Variants in RAB3GAP2 observed in about 807,000 individuals in gnomAD.
RAB3GAP2 encodes the protein rab3 GTPase-activating protein non-catalytic subunit.
RAB3GAP2 carries 87 observed loss-of-function variants against 185.3 expected under a neutral mutation model. That is an observed-to-expected ratio of 0.47 (90% CI 0.39 to 0.56). RAB3GAP2 has a LOEUF of 0.56. RAB3GAP2 is among the 20% of genes least tolerant of loss of function. The probability of loss-of-function intolerance (pLI) is 0.00; values close to 1 mark genes in which losing one functional copy is unlikely to be tolerated. For synonymous variants in RAB3GAP2, 554 were observed against 576.1 expected (o/e 0.96, Z 0.55); for missense variants, 1,492 against 1,638.2 (o/e 0.91, Z 1.54).
At chr1:220,180,911 G>A (rs1375410010) in intron 21 of RAB3GAP2, among the ~76,000 whole-genome samples, 9 of 152,014 alleles carry the variant, frequency 5.9e-5, no homozygotes, top group Admixed American at 5.2e-4. Flanking sequence ...CACATCTGTG[G>A]ATTTAATCAA....
chr1:220,217,200 T>C (rs1171187273), intron 2 of RAB3GAP2, among the ~76,000 whole-genome samples: 1 of 152,168 alleles, frequency 6.6e-6, no homozygotes, highest in Non-Finnish European at 1.5e-5. Flanking sequence ...GTAGCTGTAC[T>C]AGCTCTTTGG....
chr1:220,175,700 C>T (rs551554439), intron 21 of RAB3GAP2, among the ~76,000 whole-genome samples: 1 of 152,292 alleles, frequency 6.6e-6, no homozygotes, highest in South Asian at 2.1e-4. Flanking sequence ...ATGAATTCCA[C>T]TTTTCTCTCC....
chr1:220,194,962 TG>T, intron 12 of RAB3GAP2, 115 bp downstream of exon 12: 1 of 1,028,476 alleles, frequency 9.7e-7, no homozygotes, highest in Non-Finnish European at 1.5e-6. Flanking sequence ...TCCACTGTAA[TG>T]GCTTTCAGAA....
rs530414063 is a variant in RAB3GAP2 at position 220,191,344 on chromosome 1, G to T, written c.1271-60C>A. 283 of 514,320 alleles carry T rather than the reference G, an allele frequency of 5.5e-4. 1 individual carries two copies. In the African/African-American group the frequency reaches 6.6e-3, roughly 12 times the overall value. 31.9% of individuals were successfully genotyped at this position (514,320 alleles called of 1,614,324 possible). On this transcript the variant is annotated intron_variant, in intron 13 of 34. Coordinates refer to ENST00000358951, the MANE Select transcript of RAB3GAP2 (RefSeq NM_012414.4). ...AATCTAGGTTCCATAGTAGCCTCCT[G>T]AAGTACTCTGGAATAGTGGGGGTGG...
chr1:220,208,623 C>T (rs1424306332), intron 7 of RAB3GAP2, among the ~76,000 whole-genome samples: 1 of 152,192 alleles, frequency 6.6e-6, no homozygotes, highest in African/African-American at 2.4e-5. Context: ...AATGGCATTC[C>T]TCAGGATAAG....
chr1:220,189,626 A>T, intron 17 of RAB3GAP2, 77 bp downstream of exon 17: 1 of 1,383,892 alleles, frequency 7.2e-7, no homozygotes, highest in Non-Finnish European at 9.7e-7. Context: ...TTTGGGGGAA[A>T]TAGGAAAATA....
At chr1:220,224,931 A>T (rs1338930144) in intron 2 of RAB3GAP2, among the ~76,000 whole-genome samples, 1 of 152,124 alleles carries the variant, frequency 6.6e-6, no homozygotes, top group Non-Finnish European at 1.5e-5. Context: ...CTTGGTTGCA[A>T]GTGTGTTTAA....
At chr1:220,181,937 G>C (rs1203585931) in intron 21 of RAB3GAP2, among the ~76,000 whole-genome samples, 4 of 151,974 alleles carry the variant, frequency 2.6e-5, no homozygotes, top group Non-Finnish European at 5.9e-5. Flanking sequence ...AGGAGGCTGA[G>C]ATGGGAGGAT....
At chr1:220,268,636 C>T (rs1347820319) in intron 1 of RAB3GAP2, among the ~76,000 whole-genome samples, 3 of 152,176 alleles carry the variant, frequency 2.0e-5, no homozygotes, top group Non-Finnish European at 2.9e-5. Context: ...CAAAGGGGCT[C>T]ACTGGTGAAG....
intron 11 of RAB3GAP2, 39 bp downstream of exon 11, chr1:220,195,259 C>T (rs1658702236): frequency 6.3e-7 from 1 of 1,596,374 alleles, no homozygotes; most frequent in Non-Finnish European, 8.6e-7. Context: ...AAGCTAGATA[C>T]AAATGAGATA....
chr1:220,217,355 G>C (rs576475266), intron 2 of RAB3GAP2, among the ~76,000 whole-genome samples: 35 of 152,108 alleles, frequency 2.3e-4, no homozygotes, highest in Non-Finnish European at 4.9e-4. Context: ...GATGACCACT[G>C]TATTTGAATA....
At chr1:220,195,220 T>C in intron 11 of RAB3GAP2, 53 bp from the exon 12 acceptor site, 1 of 1,604,804 alleles carries the variant, frequency 6.2e-7, no homozygotes, top group Non-Finnish European at 8.5e-7. Context: ...GGTTTTAAAG[T>C]GCAAACTATC....
intron 9 of RAB3GAP2, among the ~76,000 whole-genome samples, chr1:220,199,933 C>G (rs1649394559): frequency 6.6e-6 from 1 of 152,152 alleles, no homozygotes; most frequent in Non-Finnish European, 1.5e-5. Context: ...CTTCTACAAG[C>G]ATCTCTCTAC....
At chr1:220,181,462 G>GT (rs1558146893) in intron 21 of RAB3GAP2, among the ~76,000 whole-genome samples, 2 of 151,930 alleles carry the variant, frequency 1.3e-5, no homozygotes, top group African/African-American at 4.8e-5. Context: ...AACTTTCCTT[G>GT]TTTTTTTCAG....
chr1:220,222,056 C>T (rs751035051), intron 2 of RAB3GAP2, among the ~76,000 whole-genome samples: 1 of 152,184 alleles, frequency 6.6e-6, no homozygotes, highest in Non-Finnish European at 1.5e-5. Context: ...AATCTAAGGG[C>T]TGTCAGCACA....
chr1:220,262,870 G>A (rs1244672679), intron 1 of RAB3GAP2, among the ~76,000 whole-genome samples: 1 of 151,876 alleles, frequency 6.6e-6, no homozygotes, highest in South Asian at 2.1e-4. Context: ...AAAATTTTTT[G>A]AGGAACTCTT....
chr1:220,204,585 C>T (rs1237782330), intron 8 of RAB3GAP2, among the ~76,000 whole-genome samples: 1 of 150,740 alleles, frequency 6.6e-6, no homozygotes, highest in Non-Finnish European at 1.5e-5. Flanking sequence ...AATATTTTCA[C>T]TGATTTTTTT....
intron 1 of RAB3GAP2, among the ~76,000 whole-genome samples, chr1:220,236,059 C>T (rs2102893558): frequency 6.6e-6 from 1 of 152,276 alleles, no homozygotes; most frequent in East Asian, 1.9e-4. Flanking sequence ...TTGTAGGTTG[C>T]TCTAGAAGAC....
At chr1:220,240,869 G>A (rs1472762847) in intron 1 of RAB3GAP2, among the ~76,000 whole-genome samples, 6 of 152,088 alleles carry the variant, frequency 3.9e-5, no homozygotes, top group Non-Finnish European at 7.4e-5. Flanking sequence ...CAAGTTAAAT[G>A]TTTTGACTGA....
Sources: gnomAD v4.1 joint callset for allele counts (sites outside exome capture counted in the v4.1 genomes callset) on GRCh38, gnomAD v4.1.1 for gene constraint, MANE v1.5 for transcripts, NCBI Gene and HGNC (gene_info 2026-07-23, HGNC 2026-07-21) for gene names.